The following PRKCQ variants were observed in gnomAD, a reference collection of about 807,000 sequenced individuals.
The protein encoded by PRKCQ is protein kinase C theta.
A neutral mutation model predicts 91.2 loss-of-function variants in PRKCQ; 41 were observed. That is an observed-to-expected ratio of 0.45 (90% CI 0.35 to 0.58). The LOEUF (loss-of-function observed/expected upper bound fraction) is 0.58, where lower values mean the gene tolerates loss of function less well. Among genes scored for constraint, PRKCQ ranks in the 20% least tolerant of loss-of-function variants. PRKCQ has a pLI of 0.00. For missense variants in PRKCQ, 673 were observed against 896.5 expected (o/e 0.75, Z 3.18); for synonymous variants, 307 against 316.9 (o/e 0.97, Z 0.33).
At chr10:6,518,480 T>C (rs1435091864) in intron 1 of PRKCQ, among the ~76,000 whole-genome samples, 4 of 152,104 alleles carry the variant, frequency 2.6e-5, no homozygotes, top group African/African-American at 4.8e-5. Context: ...AAAATTAACA[T>C]TTTAAGTCCT....
At chr10:6,467,918 G>T (rs1190097019) in intron 12 of PRKCQ, among the ~76,000 whole-genome samples, 1 of 152,142 alleles carries the variant, frequency 6.6e-6, no homozygotes, top group Admixed American at 6.5e-5. Flanking sequence ...TAAAGAAATG[G>T]TATTTAAGTT....
At chr10:6,513,282 G>A (rs1398334413) in intron 2 of PRKCQ, among the ~76,000 whole-genome samples, 3 of 152,142 alleles carry the variant, frequency 2.0e-5, no homozygotes, top group Admixed American at 2.0e-4. Context: ...AATATTCAGA[G>A]TGATTTCTTT....
intron 15 of PRKCQ, among the ~76,000 whole-genome samples, chr10:6,445,263 C>CG (rs1239185320): frequency 6.6e-6 from 1 of 152,072 alleles, no homozygotes; most frequent in Non-Finnish European, 1.5e-5. Flanking sequence ...TCCACCACCC[C>CG]GGGGCCCACT....
At chr10:6,579,324 G>A (rs1008127936) in intron 1 of PRKCQ, among the ~76,000 whole-genome samples, 14 of 152,058 alleles carry the variant, frequency 9.2e-5, no homozygotes, top group African/African-American at 3.4e-4. Context: ...CTCAGCCTGT[G>A]CCACTCCTGA....
At chr10:6,505,614 C>CCCTT (rs55786517) in intron 4 of PRKCQ, among the ~76,000 whole-genome samples, 55,143 of 143,320 alleles carry the variant, frequency 0.38, 12,722 homozygotes, top group Admixed American at 0.55. Flanking sequence ...CTCTCTCTCT[C>CCCTT]CCTTCCTTCC....
chr10:6,451,757 G>A (rs1327303315), intron 15 of PRKCQ, among the ~76,000 whole-genome samples: 2 of 152,186 alleles, frequency 1.3e-5, no homozygotes, highest in African/African-American at 2.4e-5. Context: ...TCCCTGGGAT[G>A]CAAGGCTGGT....
intron 1 of PRKCQ, among the ~76,000 whole-genome samples, chr10:6,528,337 C>T (rs565182588): frequency 1.9e-4 from 29 of 152,228 alleles, no homozygotes; most frequent in Admixed American, 3.3e-4. Flanking sequence ...TCTCATGTTG[C>T]AGGATCTGCT....
chr10:6,426,391 G>T (rs537376591), downstream of PRKCQ, among the ~76,000 whole-genome samples: 53 of 152,288 alleles, frequency 3.5e-4, no homozygotes, highest in Non-Finnish European at 6.8e-4. Context: ...CCCATCCAGG[G>T]CCTTAAAGGA....
At chr10:6,505,649 CCTTTCCTTT>C (rs754035321) in intron 4 of PRKCQ, among the ~76,000 whole-genome samples, 39 of 149,626 alleles carry the variant, frequency 2.6e-4, no homozygotes, top group African/African-American at 5.4e-4. Context: ...TCCTTCCTTT[CCTTTCCTTT>C]CTTTCCTTTC....
At chr10:6,474,330 C>G (rs1373608971) in intron 12 of PRKCQ, among the ~76,000 whole-genome samples, 1 of 152,186 alleles carries the variant, frequency 6.6e-6, no homozygotes, top group Non-Finnish European at 1.5e-5. Flanking sequence ...GACCCAGAGA[C>G]AGAGCTGTTC....
chr10:6,485,933 C>T (rs1309093001), intron 9 of PRKCQ, 102 bp downstream of exon 9: 8 of 1,004,610 alleles, frequency 8.0e-6, no homozygotes, highest in Admixed American at 2.0e-5. Context: ...GAAATACATC[C>T]CGGCATTTCC....
At chr10:6,460,298 CTT>C (rs577051698) in intron 14 of PRKCQ, among the ~76,000 whole-genome samples, 5 of 144,122 alleles carry the variant, frequency 3.5e-5, no homozygotes, top group Non-Finnish European at 3.0e-5. Flanking sequence ...ACATCTATTG[CTT>C]TTTTTTTTTT....
Position 6,576,403 on chromosome 10 carries a change from G to T in PRKCQ, c.-10+3808C>A, listed in dbSNP as rs775978512. Reference sequence around the variant, plus strand: ...GAAGTCCTGTCCAATGCTGTCACATGGATACAGCTTGAGAACACTATGCTA... The same window carrying T: ...GAAGTCCTGTCCAATGCTGTCACATTGATACAGCTTGAGAACACTATGCTA... On this transcript the variant is annotated intron_variant, in intron 1 of 17. Coordinates refer to ENST00000263125, the MANE Select transcript of PRKCQ (RefSeq NM_006257.5). This position sits in a 1 kb window ranked among gnomAD's most constrained non-coding sequence, Gnocchi z 4.2. Among the ~76,000 whole-genome samples the T allele has an allele frequency of 1.3e-5, 2 of 152,240 alleles. No homozygotes were observed. The highest frequency in any genetic ancestry group is 2.4e-5 in the African/African-American group (1 of 41,472).
At chr10:6,519,041 A>G (rs1005329590) in intron 1 of PRKCQ, among the ~76,000 whole-genome samples, 1 of 152,196 alleles carries the variant, frequency 6.6e-6, no homozygotes, top group African/African-American at 2.4e-5. Context: ...ATGTATGTAT[A>G]TGTGTGGATG....
chr10:6,530,381 GTGT>G (rs1349934491), intron 1 of PRKCQ, among the ~76,000 whole-genome samples: 1 of 152,210 alleles, frequency 6.6e-6, no homozygotes, highest in African/African-American at 2.4e-5. Flanking sequence ...TCCCGCGGGC[GTGT>G]GACACTTTTC....
chr10:6,539,452 G>A (rs1258181254), intron 1 of PRKCQ, among the ~76,000 whole-genome samples: 1 of 151,934 alleles, frequency 6.6e-6, no homozygotes, highest in Admixed American at 6.6e-5. Context: ...CTGCGCAAGT[G>A]AGAGATCTAG....
chr10:6,550,972 G>A (rs534591384), intron 1 of PRKCQ, among the ~76,000 whole-genome samples: 2 of 152,260 alleles, frequency 1.3e-5, no homozygotes, highest in South Asian at 2.1e-4. Context: ...ATTTGCTAAT[G>A]GTAAGTAATG....
chr10:6,572,695 G>A (rs918516241), intron 1 of PRKCQ, among the ~76,000 whole-genome samples: 1 of 152,148 alleles, frequency 6.6e-6, no homozygotes. Flanking sequence ...ATGAACATAC[G>A]TGTGCATGTA....
rs1291961066 is a variant in PRKCQ at position 6,546,368 on chromosome 10, G to C, written c.-9-31224C>G. 2.6e-5 allele frequency among the ~76,000 whole-genome samples: 4 copies of C among 152,206 alleles called. No individual in the cohort carries two copies. The East Asian group carries it at 7.7e-4, about 29-fold the overall frequency. On this transcript the variant is annotated intron_variant, in intron 1 of 17. Transcript: ENST00000263125. ...CAGTAGAAGTGCCCCTTGGGGTAGA[G>C]CAAGATGAGGTTGCAGAGGAAAGGA...
Sources: gnomAD v4.1 joint callset for allele counts (sites outside exome capture counted in the v4.1 genomes callset) on GRCh38, gnomAD v4.1.1 for gene constraint, Gnocchi (gnomAD v3.1) non-coding constraint, MANE v1.5 for transcripts, NCBI Gene and HGNC (gene_info 2026-07-23, HGNC 2026-07-21) for gene names.